GRM8: variants seen among roughly 807,000 people sequenced by gnomAD.
GRM8 encodes glutamate metabotropic receptor 8, also known as metabotropic glutamate receptor 8.
GRM8 carries 47 observed loss-of-function variants against 87.2 expected under a neutral mutation model. That is an observed-to-expected ratio of 0.54 (90% CI 0.43 to 0.69). The LOEUF (loss-of-function observed/expected upper bound fraction) is 0.69. GRM8 is among the 30% of genes least tolerant of loss of function. GRM8 has a pLI of 0.00. For missense variants in GRM8, 1,019 were observed against 1,139.2 expected (o/e 0.89, Z 1.52); for synonymous variants, 396 against 404.5 (o/e 0.98, Z 0.25).
chr7:126,796,919 T>C (rs1822012366), intron 6 of GRM8, among the ~76,000 whole-genome samples: 1 of 152,100 alleles, frequency 6.6e-6, no homozygotes, highest in African/African-American at 2.4e-5. Context: ...CTCTTTAGGA[T>C]AAATAAATGT....
rs754485350 is a variant in GRM8 at position 126,685,979 on chromosome 7, G to A, written c.1358-76481C>T. Among the ~76,000 whole-genome samples the A allele has an allele frequency of 6.6e-6, 1 of 151,648 alleles. No individual in the cohort carries two copies. The highest frequency in any genetic ancestry group is 1.5e-5 in the Non-Finnish European group (1 of 67,934). Reference sequence around the variant, plus strand: ...CAACATGCACTTCCTCCCCTCTGAGGCCCATAAAAACCCCCAGACTCAGCC... The same window carrying A: ...CAACATGCACTTCCTCCCCTCTGAGACCCATAAAAACCCCCAGACTCAGCC... On this transcript the variant is annotated intron_variant, in intron 7 of 10. Transcript: ENST00000339582. The surrounding 1 kb of genome is among the most constrained non-coding windows in gnomAD (Gnocchi z 4.2).
At chr7:127,235,726 CA>C (rs1486377814) in intron 2 of GRM8, among the ~76,000 whole-genome samples, 3 of 152,166 alleles carry the variant, frequency 2.0e-5, no homozygotes, top group African/African-American at 4.8e-5. Flanking sequence ...GGCTCTACAC[CA>C]ACCAATTTAA....
chr7:126,880,792 T>G (rs1169345077), intron 6 of GRM8, among the ~76,000 whole-genome samples: 2 of 152,228 alleles, frequency 1.3e-5, no homozygotes, highest in Non-Finnish European at 2.9e-5. Context: ...CTCCTTACTG[T>G]CACCCTTTTT....
intron 9 of GRM8, among the ~76,000 whole-genome samples, chr7:126,496,630 G>A (rs975139120): frequency 6.6e-6 from 1 of 151,828 alleles, no homozygotes; most frequent in African/African-American, 2.4e-5. Context: ...TATCTAATTT[G>A]TCAACCTCTC....
In GRM8 at chr7:126,495,463, G is replaced by T. The variant is rs527704194; in HGVS notation, c.2430+37489C>A. Among the ~76,000 whole-genome samples, 3 of 152,066 alleles carry T rather than the reference G, an allele frequency of 2.0e-5. No individual in the cohort carries two copies. In the South Asian group the frequency reaches 6.2e-4, roughly 31 times the overall value. Reference sequence around the variant, plus strand: ...AGAAAAGATGTGACACATCCAGAAGGATCTCAAGGCCTTTTATCATTTTTA... The same window carrying T: ...AGAAAAGATGTGACACATCCAGAAGTATCTCAAGGCCTTTTATCATTTTTA... On this transcript the variant is annotated intron_variant, in intron 9 of 10. Transcript: ENST00000339582.
At chr7:126,941,552 G>A (rs946909865) in intron 3 of GRM8, among the ~76,000 whole-genome samples, 7 of 151,422 alleles carry the variant, frequency 4.6e-5, no homozygotes, top group African/African-American at 1.7e-4. Flanking sequence ...CCCAGGAGGC[G>A]GAGCCTGCAG....
intron 3 of GRM8, among the ~76,000 whole-genome samples, chr7:127,017,796 G>C (rs1000259670): frequency 6.6e-6 from 1 of 151,264 alleles, no homozygotes; most frequent in East Asian, 1.9e-4. Context: ...AGAGAAGCAG[G>C]GACAGAAAAA....
intron 2 of GRM8, among the ~76,000 whole-genome samples, chr7:127,138,926 C>G (rs1465674178): frequency 6.6e-6 from 1 of 152,188 alleles, no homozygotes; most frequent in Non-Finnish European, 1.5e-5. Context: ...CTTACTAACA[C>G]TGGCACTCTG....
chr7:127,015,211 G>A (rs1465063931), intron 3 of GRM8, among the ~76,000 whole-genome samples: 1 of 123,890 alleles, frequency 8.1e-6, no homozygotes. Flanking sequence ...AGAAGAAGAA[G>A]AAGAAGAAGA....
intron 3 of GRM8, among the ~76,000 whole-genome samples, chr7:126,961,749 G>A (rs190021990): frequency 2.0e-5 from 3 of 152,368 alleles, no homozygotes; most frequent in South Asian, 2.1e-4. Context: ...CACAAGCCTC[G>A]TGGGAGGAGA....
intron 9 of GRM8, among the ~76,000 whole-genome samples, chr7:126,477,592 AAAGAAAGAAAG>A (rs764652138): frequency 5.1e-4 from 64 of 125,000 alleles, no homozygotes; most frequent in South Asian, 1.9e-3. Flanking sequence ...AGAAAGAAAG[AAAGAAAGAAAG>A]AAAGAAAGAA....
chr7:126,558,172 G>A lies in GRM8; in HGVS notation c.1495-24285C>T, dbSNP rs753650221. 3.2e-4 allele frequency among the ~76,000 whole-genome samples: 48 copies of A among 152,140 alleles called. 1 individual carries two copies. Among genetic ancestry groups the A allele is most frequent in the Non-Finnish European group, 1.8e-4 (12 of 68,028 alleles). On this transcript the variant is annotated intron_variant, in intron 8 of 10. Transcript: ENST00000339582. Reference sequence around the variant, plus strand: ...TAGGTAGCATTTATGATTTGTGGTAGGTTAGCAGAGAGTTAAGTACATGTA... The same window carrying A: ...TAGGTAGCATTTATGATTTGTGGTAAGTTAGCAGAGAGTTAAGTACATGTA...
In GRM8 at chr7:127,117,157, T is replaced by C. The variant is rs530111391; in HGVS notation, c.511-10445A>G. On this transcript the variant is annotated intron_variant, in intron 2 of 10. Coordinates refer to ENST00000339582, the MANE Select transcript of GRM8 (RefSeq NM_000845.3). Reference sequence around the variant, plus strand: ...CCTTAGGAAAGTAAAAAATAAGTGATTGAAAAGTAGGAGGAAACTCTCTTC... The same window carrying C: ...CCTTAGGAAAGTAAAAAATAAGTGACTGAAAAGTAGGAGGAAACTCTCTTC... Among the ~76,000 whole-genome samples, 13 of 152,324 alleles carry C rather than the reference T, an allele frequency of 8.5e-5. No individual in the cohort carries two copies. In the South Asian group the frequency reaches 2.7e-3, roughly 32 times the overall value.
intron 3 of GRM8, among the ~76,000 whole-genome samples, chr7:127,052,372 T>C (rs1038742121): frequency 6.6e-6 from 1 of 152,246 alleles, no homozygotes; most frequent in Non-Finnish European, 1.5e-5. Context: ...AGTTGTTCCC[T>C]GTCCAGCTGT....
chr7:126,974,060 T>A (rs1341266762), intron 3 of GRM8, among the ~76,000 whole-genome samples: 1 of 152,234 alleles, frequency 6.6e-6, no homozygotes, highest in Non-Finnish European at 1.5e-5. Flanking sequence ...TCATTCAACA[T>A]ACACAAACTT....
At chr7:126,609,551 G>T (rs1157459218) in intron 7 of GRM8, 53 bp from the exon 8 acceptor site, 20 of 1,406,688 alleles carry the variant, frequency 1.4e-5, no homozygotes, top group Middle Eastern at 2.2e-4. Flanking sequence ...ATAGCCCACT[G>T]GGTTTATTTT....
intron 7 of GRM8, among the ~76,000 whole-genome samples, chr7:126,746,313 T>C (rs578050169): frequency 1.3e-5 from 2 of 151,794 alleles, no homozygotes; most frequent in South Asian, 4.1e-4. Context: ...AGTCATTGTA[T>C]GTTCCCTAAC....
At chr7:126,689,737 G>A (rs1265084926) in intron 7 of GRM8, among the ~76,000 whole-genome samples, 1 of 152,156 alleles carries the variant, frequency 6.6e-6, no homozygotes, top group African/African-American at 2.4e-5. Flanking sequence ...TTGTAATAAT[G>A]ACCCAATAGC....
At chr7:126,602,374 C>T (rs895710259) in intron 8 of GRM8, among the ~76,000 whole-genome samples, 1 of 131,370 alleles carries the variant, frequency 7.6e-6, no homozygotes, top group Non-Finnish European at 1.7e-5. Flanking sequence ...CGTGATGCCT[C>T]CAGCTTTGTT....
Sources: gnomAD v4.1 joint callset for allele counts (sites outside exome capture counted in the v4.1 genomes callset) on GRCh38, gnomAD v4.1.1 for gene constraint, Gnocchi (gnomAD v3.1) non-coding constraint, MANE v1.5 for transcripts, NCBI Gene and HGNC (gene_info 2026-07-23, HGNC 2026-07-21) for gene names.